Variants in GALNT10 observed in about 807,000 individuals in gnomAD.
The protein encoded by GALNT10 is polypeptide N-acetylgalactosaminyltransferase 10.
In GALNT10, 41 loss-of-function variants were observed where a neutral mutation model predicts 75.0. That is an observed-to-expected ratio of 0.55 (90% CI 0.43 to 0.71). The LOEUF (loss-of-function observed/expected upper bound fraction) is 0.71, where lower values mean the gene tolerates loss of function less well. Ranked by LOEUF, GALNT10 falls within the 30% of genes least tolerant of loss-of-function variation. GALNT10 has a pLI of 0.00. For missense variants in GALNT10, 727 were observed against 818.5 expected (o/e 0.89, Z 1.36); for synonymous variants, 302 against 313.0 (o/e 0.96, Z 0.37).
chr5:154,382,879 G>A (rs1057382696), intron 6 of GALNT10, among the ~76,000 whole-genome samples: 1 of 152,254 alleles, frequency 6.6e-6, no homozygotes, highest in African/African-American at 2.4e-5. Flanking sequence ...GGCCCAGCTA[G>A]TGTCTTCTGG....
intron 1 of GALNT10, among the ~76,000 whole-genome samples, chr5:154,265,813 C>T (rs1753766982): frequency 6.6e-6 from 1 of 152,080 alleles, no homozygotes; most frequent in South Asian, 2.1e-4. Flanking sequence ...CCCTCTTACC[C>T]AGCTCCCAGA....
chr5:154,228,238 A>G (rs1753092907), intron 1 of GALNT10, among the ~76,000 whole-genome samples: 1 of 152,220 alleles, frequency 6.6e-6, no homozygotes, highest in Non-Finnish European at 1.5e-5. Flanking sequence ...TAGCAATGCA[A>G]GAATGGCCTA....
intron 3 of GALNT10, among the ~76,000 whole-genome samples, chr5:154,327,788 T>C (rs906931898): frequency 2.6e-5 from 4 of 152,208 alleles, no homozygotes; most frequent in African/African-American, 9.7e-5. Flanking sequence ...TGTAATCGTT[T>C]TTCAAACTCC....
chr5:154,401,425 C>T (rs910545290), intron 7 of GALNT10, among the ~76,000 whole-genome samples: 1 of 152,210 alleles, frequency 6.6e-6, no homozygotes, highest in East Asian at 1.9e-4. Flanking sequence ...GGGCAATACC[C>T]GCCAGGCAAA....
At chr5:154,301,566 T>TG (rs1445989415) in intron 3 of GALNT10, among the ~76,000 whole-genome samples, 2 of 150,974 alleles carry the variant, frequency 1.3e-5, no homozygotes, top group Non-Finnish European at 3.0e-5. Flanking sequence ...TTTTTTGTTT[T>TG]TTTTTTTTTT....
intron 3 of GALNT10, among the ~76,000 whole-genome samples, chr5:154,317,593 T>C (rs1469980283): frequency 6.6e-6 from 1 of 152,160 alleles, no homozygotes; most frequent in Non-Finnish European, 1.5e-5. Flanking sequence ...CCTGCCCACT[T>C]CAGATCAGAG....
At chr5:154,273,704 G>A (rs1200904835) in intron 1 of GALNT10, among the ~76,000 whole-genome samples, 1 of 152,134 alleles carries the variant, frequency 6.6e-6, no homozygotes, top group Non-Finnish European at 1.5e-5. Flanking sequence ...TACCCTTTTG[G>A]CTGCATCTTT....
intron 3 of GALNT10, among the ~76,000 whole-genome samples, chr5:154,310,224 G>A (rs1048325880): frequency 6.6e-6 from 1 of 152,080 alleles, no homozygotes; most frequent in Non-Finnish European, 1.5e-5. Context: ...TCATGTGGTA[G>A]AGCAAGCTCG....
At chr5:154,286,264 G>T (rs1280874419) in intron 1 of GALNT10, among the ~76,000 whole-genome samples, 1 of 152,144 alleles carries the variant, frequency 6.6e-6, no homozygotes, top group Non-Finnish European at 1.5e-5. Context: ...GGCTTGATTT[G>T]TGCTTGTGTT....
chr5:154,260,930 T>C (rs747770281), intron 1 of GALNT10, among the ~76,000 whole-genome samples: 4 of 152,214 alleles, frequency 2.6e-5, no homozygotes, highest in Non-Finnish European at 5.9e-5. Flanking sequence ...TTAAAGGGAA[T>C]GTATAAATAC....
At chr5:154,313,175 G>A (rs926840158) in intron 3 of GALNT10, among the ~76,000 whole-genome samples, 2 of 152,038 alleles carry the variant, frequency 1.3e-5, no homozygotes, top group Admixed American at 1.3e-4. Flanking sequence ...CGGGCGTGAT[G>A]GTGAGTGCCT....
chr5:154,338,363 C>T, intron 4 of GALNT10: 3 of 466,492 alleles, frequency 6.4e-6, no homozygotes, highest in South Asian at 5.9e-5. Context: ...TTTGAGACCT[C>T]AGGCTCTCAT....
At chr5:154,332,405 C>T (rs1754880977) in intron 4 of GALNT10, among the ~76,000 whole-genome samples, 1 of 152,150 alleles carries the variant, frequency 6.6e-6, no homozygotes, top group Non-Finnish European at 1.5e-5. Flanking sequence ...ACACACCATG[C>T]TCTGTCCTGC....
At chr5:154,326,481 G>A (rs1754758730) in intron 3 of GALNT10, among the ~76,000 whole-genome samples, 1 of 152,142 alleles carries the variant, frequency 6.6e-6, no homozygotes, top group South Asian at 2.1e-4. Context: ...ATAGCCAAAA[G>A]GGGGAAACAG....
intron 1 of GALNT10, among the ~76,000 whole-genome samples, chr5:154,196,069 A>G (rs953543184): frequency 2.6e-5 from 4 of 152,044 alleles, no homozygotes; most frequent in African/African-American, 7.2e-5. Context: ...GATTATAGGC[A>G]TGCGCCACCA....
intron 1 of GALNT10, among the ~76,000 whole-genome samples, chr5:154,228,490 A>C (rs721869): frequency 1.3e-5 from 2 of 152,104 alleles, no homozygotes; most frequent in Admixed American, 6.5e-5. Flanking sequence ...TGCTTCTGCC[A>C]TGTGCCTAAT....
In GALNT10 at chr5:154,190,840, G is replaced by C. The variant is rs1467706418; in HGVS notation, c.-27G>C. 8.6e-7 allele frequency: 1 copy of C among 1,158,594 alleles called. No homozygotes were observed. Among genetic ancestry groups the C allele is most frequent in the African/African-American group, 1.6e-5 (1 of 61,468 alleles). 71.8% of individuals were successfully genotyped at this position (1,158,594 alleles called of 1,614,324 possible). A position where few individuals can be genotyped will look rare whatever the true frequency, so the allele number is the denominator to read the frequency against. On this transcript the variant is annotated 5_prime_UTR_variant, in exon 1 of 12. Transcript: ENST00000297107. The stretch of plus-strand genomic sequence containing the variant: ...CTGGGGGCGGCGCGGCGGGGCCGGC[G>C]GGGCGCGGCGGGGCTGACCGGCCCC...
At chr5:154,324,038 C>T (rs573421394) in intron 3 of GALNT10, among the ~76,000 whole-genome samples, 37 of 152,330 alleles carry the variant, frequency 2.4e-4, no homozygotes, top group African/African-American at 8.9e-4. Flanking sequence ...ATGTCAGCCT[C>T]ATGGTTGAGA....
At position 154,190,768 on chromosome 5, in the gene GALNT10, C is replaced by T. The variant is rs1449919365; in HGVS notation, c.-99C>T. ...GGGGCCGGCGCCGCAGCCGCTTCTGCTGGCTGAGCTGCTGCCGCCGCCGGG... is the reference window on the plus strand; with the variant it reads ...GGGGCCGGCGCCGCAGCCGCTTCTGTTGGCTGAGCTGCTGCCGCCGCCGGG... On this transcript the variant is annotated 5_prime_UTR_variant, in exon 1 of 12. Coordinates refer to ENST00000297107, the MANE Select transcript of GALNT10 (RefSeq NM_198321.4). 3 of 460,346 alleles carry T rather than the reference C, an allele frequency of 6.5e-6. No homozygotes were observed. The highest frequency in any genetic ancestry group is 2.1e-5 in the African/African-American group (1 of 46,654). 28.5% of individuals were successfully genotyped at this position (460,346 alleles called of 1,614,324 possible).
Sources: gnomAD v4.1 joint callset for allele counts (sites outside exome capture counted in the v4.1 genomes callset) on GRCh38, gnomAD v4.1.1 for gene constraint, MANE v1.5 for transcripts, NCBI Gene and HGNC (gene_info 2026-07-23, HGNC 2026-07-21) for gene names.